SHC4: variants seen among roughly 807,000 people sequenced by gnomAD.
SHC4 encodes SHC-transforming protein 4.
SHC4 carries 41 observed loss-of-function variants against 69.4 expected under a neutral mutation model. The ratio of observed to expected loss-of-function variants is 0.59; its 90% CI spans 0.46 to 0.77. The LOEUF is 0.77. Ranked by LOEUF, SHC4 falls within the 30% of genes least tolerant of loss-of-function variation. The pLI, the probability that SHC4 is intolerant of heterozygous loss-of-function variation, is 0.00. For missense variants in SHC4, 777 were observed against 783.8 expected, an observed-to-expected ratio of 0.99 and a Z score of 0.10; for synonymous variants, 318 against 299.3, an observed-to-expected ratio of 1.06 and a Z score of -0.64.
chr15:48,930,976 A>G (rs1900953771), intron 1 of SHC4, among the ~76,000 whole-genome samples: 1 of 152,166 alleles, frequency 6.6e-6, no homozygotes, highest in South Asian at 2.1e-4. Flanking sequence ...CTACTTCCTC[A>G]AAGTTCCTTT....
At chr15:48,866,424 T>G (rs1382210524) in intron 6 of SHC4, among the ~76,000 whole-genome samples, 1 of 152,218 alleles carries the variant, frequency 6.6e-6, no homozygotes, top group Non-Finnish European at 1.5e-5. Flanking sequence ...TTGCTGAGGA[T>G]CTACTACGTG....
At chr15:48,888,670 G>T (rs991704837) in intron 3 of SHC4, among the ~76,000 whole-genome samples, 1 of 152,106 alleles carries the variant, frequency 6.6e-6, no homozygotes, top group South Asian at 2.1e-4. Context: ...GAGATGGGCA[G>T]ATCACTTGAG....
At chr15:48,862,589 G>A (rs759303533) in intron 6 of SHC4, among the ~76,000 whole-genome samples, 1 of 152,154 alleles carries the variant, frequency 6.6e-6, no homozygotes, top group Non-Finnish European at 1.5e-5. Context: ...ATGAAGCCCA[G>A]TCTCCTCTGC....
intron 4 of SHC4, chr15:48,878,089 C>G (rs1899853307): frequency 6.7e-7 from 1 of 1,490,874 alleles, no homozygotes; most frequent in African/African-American, 1.4e-5. Flanking sequence ...TACGCAAGCG[C>G]GCAGCCTTTG....
chr15:48,962,143 A>G (rs998149568), intron 1 of SHC4, among the ~76,000 whole-genome samples: 4 of 152,126 alleles, frequency 2.6e-5, no homozygotes, highest in African/African-American at 7.2e-5. Flanking sequence ...TGGTGCCATC[A>G]GCTGCCTCTA....
chr15:48,962,975 A>T lies in SHC4; in HGVS notation c.41T>A (p.Leu14Gln), dbSNP rs766241920. The change falls in exon 1 of 12, where the codon CTG (leucine) becomes CAG (glutamine). Residue 14 changes from leucine to glutamine, a missense_variant. Coordinates refer to ENST00000332408, the MANE Select transcript of SHC4 (RefSeq NM_203349.4). ...GGGGTGCCCGAAGAGTCCTACATAC[A>T]GCACGAGTCCTGCCAGGCTGTCCTG... ...RGQDSLAGLV[L>Q]YVGLFGHPGM... is the part of the protein sequence containing the mutation. The T allele has an allele frequency of 1.2e-6, 2 of 1,612,412 alleles. No homozygotes were observed. The highest frequency in any genetic ancestry group is 1.1e-5 in the South Asian group (1 of 91,016).
chr15:48,877,756 C>T (rs994759159), intron 4 of SHC4: 2 of 213,104 alleles, frequency 9.4e-6, no homozygotes, highest in African/African-American at 4.7e-5. Flanking sequence ...TGGATGTTGT[C>T]TGGTTTGGAG....
chr15:48,908,963 G>T (rs188145017), intron 2 of SHC4, among the ~76,000 whole-genome samples: 1 of 152,224 alleles, frequency 6.6e-6, no homozygotes, highest in African/African-American at 2.4e-5. Context: ...CTATAGTATC[G>T]TTTGAAATCA....
chr15:48,940,633 C>G (rs1901157785), intron 1 of SHC4, among the ~76,000 whole-genome samples: 1 of 152,200 alleles, frequency 6.6e-6, no homozygotes, highest in African/African-American at 2.4e-5. Context: ...GTAGCAGCAT[C>G]AGTATGATGG....
At chr15:48,835,826 A>C in intron 10 of SHC4, among the ~76,000 whole-genome samples, 1 of 152,144 alleles carries the variant, frequency 6.6e-6, no homozygotes, top group East Asian at 1.9e-4. Flanking sequence ...AAACTGCTAA[A>C]TGCTTTATAT....
intron 2 of SHC4, among the ~76,000 whole-genome samples, chr15:48,894,822 T>C (rs4775784): frequency 0.32 from 47,968 of 151,940 alleles, 8,753 homozygotes; most frequent in Middle Eastern, 0.49. Flanking sequence ...GGTCTCACTC[T>C]GTTGCCAGGT....
chr15:48,922,729 C>A (rs879499447), intron 2 of SHC4, among the ~76,000 whole-genome samples: 2 of 152,184 alleles, frequency 1.3e-5, no homozygotes, highest in African/African-American at 2.4e-5. Flanking sequence ...TTGTCCTGTG[C>A]CAACCTGGGG....
rs1290540683 is a variant in SHC4 at position 48,834,818 on chromosome 15, A to G, written c.1688T>C (p.Leu563Pro). ...AAGATGTTTTGCTTGGCCTCCCTGT[A>G]GTCCACTCAGCACATATTGGCCAGG... ...TSPGQYVLSG[L>P]QGGQAKHLLL... The change falls in exon 11 of 12, where the codon CTA (leucine) becomes CCA (proline). Residue 563 changes from leucine to proline, a missense_variant. By Grantham distance (98) the Leu-to-Pro change is moderately conservative. Transcript: ENST00000332408. 6.2e-7 allele frequency: 1 copy of G among 1,614,184 alleles called. No individual in the cohort carries two copies. The highest frequency in any genetic ancestry group is 2.2e-5 in the East Asian group (1 of 44,882).
intron 1 of SHC4, chr15:48,948,181 C>A (rs1056234819): frequency 2.0e-5 from 3 of 152,206 alleles, no homozygotes; most frequent in Non-Finnish European, 4.4e-5. Context: ...TTTCCCTGAA[C>A]AGAAACCATT....
intron 4 of SHC4, chr15:48,877,495 CA>C: frequency 1.0e-6 from 1 of 984,292 alleles, no homozygotes; most frequent in Non-Finnish European, 1.2e-6. Flanking sequence ...AAAAAACACA[CA>C]AAATAGTATT....
At chr15:48,840,948 A>G (rs191095972) in intron 10 of SHC4, among the ~76,000 whole-genome samples, 7 of 152,322 alleles carry the variant, frequency 4.6e-5, no homozygotes, top group Admixed American at 3.9e-4. Context: ...AGTCAGAGAA[A>G]ATACATTTTG....
intron 2 of SHC4, among the ~76,000 whole-genome samples, chr15:48,901,373 G>A (rs765385284): frequency 2.9e-4 from 44 of 152,036 alleles, no homozygotes; most frequent in Admixed American, 2.9e-3. Flanking sequence ...TGTCTTGTTC[G>A]GTTTCTTGGT....
chr15:48,908,804 G>A (rs1900456387), intron 2 of SHC4, among the ~76,000 whole-genome samples: 3 of 152,150 alleles, frequency 2.0e-5, no homozygotes, highest in Admixed American at 2.0e-4. Context: ...TTGTTGAAAA[G>A]GGTGTCCTTT....
chr15:48,829,407 G>A (rs995040320), intron 11 of SHC4, among the ~76,000 whole-genome samples: 10 of 151,830 alleles, frequency 6.6e-5, no homozygotes, highest in African/African-American at 2.4e-4. Context: ...ATATATTTGG[G>A]TACCCTGATG....
Sources: gnomAD v4.1 joint callset for allele counts (sites outside exome capture counted in the v4.1 genomes callset) on GRCh38, gnomAD v4.1.1 for gene constraint, MANE v1.5 for transcripts, NCBI Gene and HGNC (gene_info 2026-07-23, HGNC 2026-07-21) for gene names.